The following TMEM168 variants were observed in gnomAD, a reference collection of about 807,000 sequenced individuals.
TMEM168 encodes the protein transmembrane protein 168.
A neutral mutation model predicts 53.2 loss-of-function variants in TMEM168; 40 were observed. The ratio of observed to expected loss-of-function variants is 0.75; its 90% CI spans 0.58 to 0.98. The LOEUF is 0.98. TMEM168 is among the 50% of genes least tolerant of loss of function. The pLI is 0.00. For missense variants in TMEM168, 771 were observed against 828.8 expected, an observed-to-expected ratio of 0.93 and a Z score of 0.86; for synonymous variants, 282 against 293.0, an observed-to-expected ratio of 0.96 and a Z score of 0.38.
intron 1 of TMEM168, among the ~76,000 whole-genome samples, chr7:112,789,588 C>A (rs566271881): frequency 5.1e-4 from 78 of 152,288 alleles, no homozygotes; most frequent in Non-Finnish European, 7.4e-4. Context: ...ACTTAATTCA[C>A]CCAAATTCTT....
chr7:112,787,713 A>ATTTTTTTTTTT lies in TMEM168; in HGVS notation c.-129+2436_-129+2446dup, dbSNP rs71155069. Among the ~76,000 whole-genome samples, 27 of 38,788 alleles carry ATTTTTTTTTTT rather than the reference A, an allele frequency of 7.0e-4. 1 individual carries two copies. Among genetic ancestry groups the ATTTTTTTTTTT allele is most frequent in the Non-Finnish European group, 8.4e-4 (19 of 22,608 alleles). 25.4% of individuals were successfully genotyped at this position (38,788 alleles called of 152,430 possible). On this transcript the variant is annotated intron_variant, in intron 1 of 4. Transcript: ENST00000312814. ...ACAGGCGTGAGCCACTGCGACTGGCATTTTTTTTTTTTTTTTTTTTTTTTT... is the reference window on the plus strand; with the variant it reads ...ACAGGCGTGAGCCACTGCGACTGGCATTTTTTTTTTTTTTTTTTTTTTTTTTTTTTTTTTTT...
intron 2 of TMEM168, among the ~76,000 whole-genome samples, chr7:112,776,817 T>C (rs1043479752): frequency 1.1e-4 from 16 of 151,976 alleles, no homozygotes; most frequent in Non-Finnish European, 2.1e-4. Context: ...AAGCTTACAT[T>C]ACTCTAAATC....
chr7:112,787,912 A>C (rs894112316), intron 1 of TMEM168, among the ~76,000 whole-genome samples: 16 of 150,614 alleles, frequency 1.1e-4, no homozygotes, highest in African/African-American at 3.9e-4. Flanking sequence ...TTGTATTTTT[A>C]GTAGAGATGG....
At chr7:112,772,744 A>G in intron 4 of TMEM168, 37 bp downstream of exon 4, 1 of 1,591,944 alleles carries the variant, frequency 6.3e-7, no homozygotes, top group Non-Finnish European at 8.6e-7. Flanking sequence ...ATACATGTGT[A>G]TCTTTACAAT....
At chr7:112,778,768 T>C (rs34346246) in intron 2 of TMEM168, 15 of 152,320 alleles carry the variant, frequency 9.8e-5, no homozygotes, top group Middle Eastern at 3.4e-3. Context: ...TTTTGCAACA[T>C]TGATGATGAT....
chr7:112,789,626 C>A (rs1213587434), intron 1 of TMEM168, among the ~76,000 whole-genome samples: 1 of 152,186 alleles, frequency 6.6e-6, no homozygotes, highest in Non-Finnish European at 1.5e-5. Context: ...CCATGTCCTA[C>A]CTCTAGGGAA....
Position 112,767,527 on chromosome 7 carries a change from A to G in TMEM168, c.1764T>C (p.Phe588=). The G allele has an allele frequency of 6.2e-7, 1 of 1,614,160 alleles. No individual in the cohort carries two copies. Among genetic ancestry groups the G allele is most frequent in the African/African-American group, 1.3e-5 (1 of 75,050 alleles). Residue 588 remains phenylalanine (F), a synonymous_variant, in exon 5 of 5, where the codon TTT becomes TTC. Coordinates refer to ENST00000312814, the MANE Select transcript of TMEM168 (RefSeq NM_022484.6). ...EEADPPQLGD[F]TKDWVEYNCN... ...AGTTATATTCTACCCAGTCTTTTGT[A>G]AAGTCACCTAGCTGTGGCGGGTCAG...
intron 2 of TMEM168, among the ~76,000 whole-genome samples, chr7:112,781,713 A>C (rs1037432894): frequency 6.6e-6 from 1 of 152,054 alleles, no homozygotes; most frequent in Non-Finnish European, 1.5e-5. Context: ...AAAAAAAAAA[A>C]AACAAACTTA....
At chr7:112,782,853 TC>T (rs971960445) in intron 2 of TMEM168, among the ~76,000 whole-genome samples, 5 of 152,206 alleles carry the variant, frequency 3.3e-5, no homozygotes, top group Admixed American at 6.5e-5. Flanking sequence ...ATGCCCCACA[TC>T]CCAGTCTGAT....
At chr7:112,783,300 A>G (rs1356014289) in intron 2 of TMEM168, among the ~76,000 whole-genome samples, 1 of 152,190 alleles carries the variant, frequency 6.6e-6, no homozygotes, top group Non-Finnish European at 1.5e-5. Flanking sequence ...AAGTTAAGTA[A>G]CCTTGTTCCT....
In TMEM168 at chr7:112,765,644, G is replaced by A. The variant is rs1266572841; in HGVS notation, c.*1553C>T. On this transcript the variant is annotated 3_prime_UTR_variant, in exon 5 of 5. Transcript: ENST00000312814. ...ACCTATAATGGAAACTTCCAAACATGAACTCTAAAACATGGGCATTTTTAA... is the reference window on the plus strand; with the variant it reads ...ACCTATAATGGAAACTTCCAAACATAAACTCTAAAACATGGGCATTTTTAA... 1 of 152,052 alleles carries A rather than the reference G, an allele frequency of 6.6e-6. No individual in the cohort carries two copies. Among genetic ancestry groups the A allele is most frequent in the Non-Finnish European group, 1.5e-5 (1 of 67,960 alleles). 9.4% of individuals were successfully genotyped at this position (152,052 alleles called of 1,614,324 possible).
rs1237445799 is a variant in TMEM168 at position 112,784,207 on chromosome 7, T to TAA, written c.617_618dup (p.Ile207LeufsTer28). On this transcript the variant is annotated frameshift_variant, in exon 2 of 5. Transcript: ENST00000312814. LOFTEE classifies it high-confidence loss of function. The stretch of plus-strand genomic sequence containing the variant: ...GAAAAAAATAACAAAACTGCAAAAA[T>TAA]AACTAAGTTTGGAATAGCTAAGAAA... 3 of 1,613,198 alleles carry TAA rather than the reference T, an allele frequency of 1.9e-6. No homozygotes were observed. Among genetic ancestry groups the TAA allele is most frequent in the Non-Finnish European group, 2.5e-6 (3 of 1,179,884 alleles).
intron 1 of TMEM168, among the ~76,000 whole-genome samples, chr7:112,789,647 C>T (rs1244902015): frequency 6.6e-6 from 1 of 152,202 alleles, no homozygotes; most frequent in African/African-American, 2.4e-5. Context: ...TGGCTTGAGG[C>T]ATACCGTATC....
At chr7:112,773,516 G>A (rs879740883) in intron 3 of TMEM168, among the ~76,000 whole-genome samples, 2 of 151,774 alleles carry the variant, frequency 1.3e-5, no homozygotes, top group Non-Finnish European at 2.9e-5. Flanking sequence ...CAATAAAATT[G>A]TGTTCAAATT....
intron 4 of TMEM168, among the ~76,000 whole-genome samples, chr7:112,768,583 C>T (rs1455314610): frequency 6.6e-6 from 1 of 152,128 alleles, no homozygotes; most frequent in Non-Finnish European, 1.5e-5. Context: ...AAACTTCTGA[C>T]TACAGGTTTT....
chr7:112,781,931 T>G (rs1793243143), intron 2 of TMEM168, among the ~76,000 whole-genome samples: 1 of 152,162 alleles, frequency 6.6e-6, no homozygotes, highest in African/African-American at 2.4e-5. Flanking sequence ...CAAAAATTTG[T>G]ATCATTCAGA....
chr7:112,785,929 C>T (rs1290935311), intron 1 of TMEM168, among the ~76,000 whole-genome samples: 2 of 152,090 alleles, frequency 1.3e-5, no homozygotes, highest in African/African-American at 4.8e-5. Flanking sequence ...AAACTAGGGC[C>T]AGGCACGGTG....
chr7:112,774,103 CT>C (rs1793004740), intron 3 of TMEM168, among the ~76,000 whole-genome samples: 1 of 152,102 alleles, frequency 6.6e-6, no homozygotes, highest in East Asian at 1.9e-4. Flanking sequence ...TACTTCCACT[CT>C]CCTCTCCCCC....
In TMEM168 at chr7:112,767,366, T is replaced by C. The variant is rs1554364231; in HGVS notation, c.1925A>G (p.His642Arg). Residue 642 changes from histidine (H) to arginine (R), a missense_variant, in exon 5 of 5, where the codon CAC becomes CGC. Coordinates refer to ENST00000312814, the MANE Select transcript of TMEM168 (RefSeq NM_022484.6). The stretch of plus-strand genomic sequence containing the variant: ...TAGGGGATATGTAATACGAGGAAAG[T>C]GTAACATCCAGTGCTTGGCCACATC... Reference protein sequence around the residue: ...GSDVAKHWMLHFPRITYPLVH... With the variant: ...GSDVAKHWMLRFPRITYPLVH... 3.1e-6 allele frequency: 5 copies of C among 1,614,062 alleles called. No homozygotes were observed. Among genetic ancestry groups the C allele is most frequent in the Non-Finnish European group, 4.2e-6 (5 of 1,180,020 alleles).
Sources: allele counts gnomAD v4.1 joint callset (sites outside exome capture counted in the v4.1 genomes callset), GRCh38; gene constraint gnomAD v4.1.1; transcripts MANE v1.5; gene names NCBI Gene and HGNC (gene_info 2026-07-23, HGNC 2026-07-21).